Variants in SATB1 observed in about 807,000 individuals in gnomAD.
SATB1 encodes the protein SATB homeobox 1.
SATB1 carries 11 observed loss-of-function variants against 86.9 expected under a neutral mutation model. That is an observed-to-expected ratio of 0.13 (90% CI 0.08 to 0.21). The LOEUF (loss-of-function observed/expected upper bound fraction) is 0.21. Among genes scored for constraint, SATB1 ranks in the 10% least tolerant of loss-of-function variants. The probability of loss-of-function intolerance (pLI) is 1.00; values close to 1 mark genes in which losing one functional copy is unlikely to be tolerated. For synonymous variants in SATB1, 357 were observed against 357.2 expected (o/e 1.00, Z 0.01); for missense variants, 551 against 937.6 (o/e 0.59, Z 5.39).
rs566059732 is a variant in SATB1 at position 18,444,574 on chromosome 3, A to G, written c.-25+944T>C. 1.4e-5 allele frequency: 14 copies of G among 985,448 alleles called. No homozygotes were observed. The South Asian group carries it at 5.2e-4, about 36-fold the overall frequency. 61.0% of individuals were successfully genotyped at this position (985,448 alleles called of 1,614,324 possible). A position where few individuals can be genotyped will look rare whatever the true frequency, so the allele number is the denominator to read the frequency against. On this transcript the variant is annotated intron_variant, in intron 1 of 3. Coordinates refer to the SATB1 transcript ENST00000415069. The surrounding 1 kb of genome is among the most constrained non-coding windows in gnomAD (Gnocchi z 5.1). The stretch of plus-strand genomic sequence containing the variant: ...CAGAGATAAAACAGCAAGAGTAGCA[A>G]GGGGAAAAGGGAGGCAAAAGAGCAG...
intron 7 of SATB1, among the ~76,000 whole-genome samples, chr3:18,393,923 T>C (rs2125114374): frequency 6.6e-6 from 1 of 152,354 alleles, no homozygotes; most frequent in African/African-American, 2.4e-5. Flanking sequence ...ATAAGTCATA[T>C]AATATTTTTT....
chr3:18,353,652 C>T (rs578077336), intron 9 of SATB1, among the ~76,000 whole-genome samples: 7 of 151,890 alleles, frequency 4.6e-5, no homozygotes, highest in Non-Finnish European at 7.4e-5. Context: ...CAAACTGAAA[C>T]GATTAGAGAG....
chr3:18,351,208 G>T, intron 10 of SATB1: 1 of 882,804 alleles, frequency 1.1e-6, no homozygotes, highest in Non-Finnish European at 1.8e-6. Context: ...CAAGACCATG[G>T]TTAGTAGGGC....
rs117177991 is a variant in SATB1, at chr3:18,363,845, T to C, written c.1576-11650A>G. 1.3e-3 allele frequency among the ~76,000 whole-genome samples: 205 copies of C among 152,260 alleles called. 2 individuals are homozygous for C. The highest frequency in any genetic ancestry group is 0.013 in the East Asian group (66 of 5,168). On this transcript the variant is annotated intron_variant, in intron 9 of 10. Coordinates refer to ENST00000338745, the MANE Select transcript of SATB1 (RefSeq NM_002971.6). The stretch of plus-strand genomic sequence containing the variant: ...CAGGTTTAAGTTGATACTAAAGGTA[T>C]AGTTAGTTCAATTGGAAAAAAAAAT...
rs1031663081 is a variant in SATB1 at position 18,397,107 on chromosome 3, A to T, written c.751+72T>A. 7 of 859,240 alleles carry T rather than the reference A, an allele frequency of 8.1e-6. No individual in the cohort carries two copies. In the Admixed American group the frequency reaches 1.0e-4, roughly 13 times the overall value. 53.2% of individuals were successfully genotyped at this position (859,240 alleles called of 1,614,324 possible). A position where few individuals can be genotyped will look rare whatever the true frequency, so the allele number is the denominator to read the frequency against. ...GGGCAATCAAAAGACCTGGCTTTAG[A>T]TGTGACTTTGATAAACCCCCAAATG... is the stretch of plus-strand genomic sequence containing the variant. On this transcript the variant is annotated intron_variant, in intron 6 of 10. Coordinates refer to ENST00000338745, the MANE Select transcript of SATB1 (RefSeq NM_002971.6).
intron 9 of SATB1, among the ~76,000 whole-genome samples, chr3:18,359,819 A>G: frequency 6.6e-6 from 1 of 151,874 alleles, no homozygotes; most frequent in East Asian, 1.9e-4. Flanking sequence ...AAAAAAACAG[A>G]AAACTCAGTA....
chr3:18,398,846 C>G (rs974918996), intron 5 of SATB1, among the ~76,000 whole-genome samples: 1 of 152,138 alleles, frequency 6.6e-6, no homozygotes, highest in Admixed American at 6.5e-5. Context: ...AAGAGCCTCC[C>G]ACAGTCCACA....
chr3:18,420,415 T>C (rs889310463), intron 2 of SATB1, among the ~76,000 whole-genome samples: 12 of 152,190 alleles, frequency 7.9e-5, no homozygotes, highest in Admixed American at 3.3e-4. Context: ...AAGTGTTTTA[T>C]TCTTAATCAG....
At chr3:18,366,485 T>C (rs1695194556) in intron 9 of SATB1, among the ~76,000 whole-genome samples, 1 of 152,064 alleles carries the variant, frequency 6.6e-6, no homozygotes, top group Admixed American at 6.6e-5. Context: ...AAAGAGCAGC[T>C]AAGGGTGGAC....
In SATB1 at chr3:18,349,014, G is replaced by A. The variant is rs1575070610; in HGVS notation, c.*156C>T. 9.7e-6 allele frequency: 12 copies of A among 1,243,210 alleles called. No individual in the cohort carries two copies. Among genetic ancestry groups the A allele is most frequent in the Non-Finnish European group, 1.3e-5 (12 of 917,752 alleles). The allele number at this position is 1,243,210 out of a possible 1,614,324, so 77.0% of individuals were successfully genotyped here. A position where few individuals can be genotyped will look rare whatever the true frequency, so the allele number is the denominator to read the frequency against. ...CAGAGGAAAACATTTAGTGCAGTCT[G>A]TATTATCCTTTTCCAACTTTTCTGT... On this transcript the variant is annotated 3_prime_UTR_variant, in exon 11 of 11. Coordinates refer to ENST00000338745, the MANE Select transcript of SATB1 (RefSeq NM_002971.6). The surrounding 1 kb of genome is among the most constrained non-coding windows in gnomAD (Gnocchi z 5.5).
intron 2 of SATB1, among the ~76,000 whole-genome samples, chr3:18,434,689 G>A (rs940987603): frequency 2.0e-5 from 3 of 151,594 alleles, no homozygotes; most frequent in Admixed American, 6.6e-5. Context: ...ATCAGGTTCC[G>A]TATCTATAAA....
chr3:18,351,952 T>C (rs748190133), intron 10 of SATB1, 40 bp downstream of exon 10: 14 of 1,588,460 alleles, frequency 8.8e-6, no homozygotes, highest in South Asian at 7.7e-5. Context: ...TAAAGCTTTA[T>C]TTACTTATTG....
intron 8 of SATB1, among the ~76,000 whole-genome samples, chr3:18,380,995 G>A (rs1696027524): frequency 6.6e-6 from 1 of 152,134 alleles, no homozygotes; most frequent in African/African-American, 2.4e-5. Context: ...AGCACAGGAG[G>A]TAAAATAAAT....
chr3:18,378,917 G>C (rs1335161762), intron 8 of SATB1, among the ~76,000 whole-genome samples: 2 of 152,016 alleles, frequency 1.3e-5, no homozygotes, highest in Admixed American at 6.6e-5. Flanking sequence ...TATCATAAAG[G>C]CTGGTTGAAT....
intron 9 of SATB1, among the ~76,000 whole-genome samples, chr3:18,361,907 C>T (rs985004538): frequency 6.6e-6 from 1 of 151,840 alleles, no homozygotes; most frequent in Admixed American, 6.6e-5. Flanking sequence ...GTATAAAGGG[C>T]GTCAATCAGG....
intron 2 of SATB1, 41 bp from the exon 3 acceptor site, chr3:18,417,119 T>A (rs765278658): frequency 4.4e-6 from 7 of 1,590,108 alleles, no homozygotes; most frequent in Non-Finnish European, 6.0e-6. Flanking sequence ...AAACCAACAA[T>A]CTTCAGAAAT....
Position 18,349,524 on chromosome 3 carries a change from C to G in SATB1, c.1938G>C (p.Arg646=). The G allele has an allele frequency of 3.1e-6, 5 of 1,614,112 alleles. No homozygotes were observed. The highest frequency in any genetic ancestry group is 1.1e-5 in the South Asian group (1 of 91,074). The change falls in exon 11 of 11, where the codon CGG becomes CGC. Residue 646 remains arginine, a synonymous_variant. Coordinates refer to ENST00000338745, the MANE Select transcript of SATB1 (RefSeq NM_002971.6). This position sits in a 1 kb window ranked among gnomAD's most constrained non-coding sequence, Gnocchi z 5.5. ...CTTCCACTGAAATTTTTGTTCGTGG[C>G]CGGGTCTTCTGTCGGTTTTCCTCAT... ...ESDEENRQKT[R]PRTKISVEAL...
intron 9 of SATB1, among the ~76,000 whole-genome samples, chr3:18,362,734 T>C (rs1485942494): frequency 1.3e-5 from 2 of 151,704 alleles, no homozygotes; most frequent in Non-Finnish European, 2.9e-5. Context: ...CATATTGCAA[T>C]GTTATGAAGC....
chr3:18,369,027 G>T (rs1695322547), intron 9 of SATB1, among the ~76,000 whole-genome samples: 1 of 151,908 alleles, frequency 6.6e-6, no homozygotes, highest in South Asian at 2.1e-4. Flanking sequence ...AATCCTCAGG[G>T]TTTCCAACTC....
Sources: gnomAD v4.1 joint callset for allele counts (sites outside exome capture counted in the v4.1 genomes callset) on GRCh38, gnomAD v4.1.1 for gene constraint, Gnocchi (gnomAD v3.1) non-coding constraint, MANE v1.5 for transcripts, NCBI Gene and HGNC (gene_info 2026-07-23, HGNC 2026-07-21) for gene names.